LAMP2: variants seen among roughly 807,000 people sequenced by gnomAD.
LAMP2 encodes the protein lysosome-associated membrane glycoprotein 2.
A neutral mutation model predicts 25.6 loss-of-function variants in LAMP2; 4 were observed. The ratio of observed to expected loss-of-function variants is 0.16; its 90% CI spans 0.08 to 0.36. The LOEUF (loss-of-function observed/expected upper bound fraction) is 0.36, where lower values mean the gene tolerates loss of function less well. Ranked by LOEUF, LAMP2 falls within the 10% of genes least tolerant of loss-of-function variation. The pLI, the probability that LAMP2 is intolerant of heterozygous loss-of-function variation, is 1.00. For synonymous variants in LAMP2, 108 were observed against 112.7 expected (o/e 0.96, Z 0.27); for missense variants, 272 against 301.4 (o/e 0.90, Z 0.72).
At chrX:120,454,121 C>T (rs1290452195) in intron 3 of LAMP2, among the ~76,000 whole-genome samples, 1 of 110,419 alleles carries the variant, frequency 9.1e-6, no homozygotes, top group East Asian at 2.8e-4. Context: ...CTCTTGCTGT[C>T]CCGCTCTGCA....
chrX:120,451,031 G>A (rs534127731), intron 3 of LAMP2, among the ~76,000 whole-genome samples: 3 of 109,629 alleles, frequency 2.7e-5, no homozygotes, highest in East Asian at 2.9e-4. Flanking sequence ...AGGTTCAAAC[G>A]ATTCTCATGC....
chrX:120,440,978 T>C (rs1161632207), intron 8 of LAMP2, among the ~76,000 whole-genome samples: 13 of 111,930 alleles, frequency 1.2e-4, no homozygotes, highest in Admixed American at 8.5e-4. Flanking sequence ...ATAGAATTAA[T>C]GGTTGAAAAG....
Position 120,430,248 on chromosome X carries a change from A to T in LAMP2, c.*1075T>A. On this transcript the variant is annotated 3_prime_UTR_variant, in exon 9 of 9. Coordinates refer to ENST00000200639, the MANE Select transcript of LAMP2 (RefSeq NM_002294.3). ...TTATACCATGGAATATGCTTCAACA[A>T]GGGCTGATTATCTAGCTCATTTTAA... 1.3e-6 allele frequency: 1 copy of T among 754,686 alleles called. No individual in the cohort carries two copies. Among genetic ancestry groups the T allele is most frequent in the Non-Finnish European group, 1.6e-6 (1 of 639,362 alleles). The allele number at this position is 754,686 out of a possible 1,213,427, so 62.2% of individuals were successfully genotyped here. A position where few individuals can be genotyped will look rare whatever the true frequency, so the allele number is the denominator to read the frequency against.
rs192957979 is a variant in LAMP2 at position 120,461,269 on chromosome X, A to G, written c.65-4500T>C. ...TTTTCAGTAGCCATTTTCTCCACAA[A>G]GCTTTCCCTGACTATAAAAGCCCTC... On this transcript the variant is annotated intron_variant, in intron 1 of 8. Coordinates refer to ENST00000200639, the MANE Select transcript of LAMP2 (RefSeq NM_002294.3). Among the ~76,000 whole-genome samples the G allele has an allele frequency of 4.5e-5, 5 of 112,009 alleles. No homozygotes were observed. In the East Asian group the frequency reaches 1.4e-3, roughly 31 times the overall value.
chrX:120,437,839 T>TTGTG, intron 8 of LAMP2: 1 of 733,641 alleles, frequency 1.4e-6, no homozygotes, highest in African/African-American at 2.4e-5. Flanking sequence ...GATGCAAGTT[T>TTGTG]TGTTTGTTTG....
At position 120,436,166 on chromosome X, in the gene LAMP2, ACACACTCT is replaced by A. The variant is rs747396945; in HGVS notation, c.1094-4712_1094-4705del. 2.0e-3 allele frequency among the ~76,000 whole-genome samples: 168 copies of A among 83,578 alleles called. 3 individuals are homozygous for A. Among genetic ancestry groups the A allele is most frequent in the African/African-American group, 7.7e-3 (159 of 20,636 alleles). 72.6% of individuals were successfully genotyped at this position (83,578 alleles called of 115,157 possible). A position where few individuals can be genotyped will look rare whatever the true frequency, so the allele number is the denominator to read the frequency against. On this transcript the variant is annotated intron_variant, in intron 8 of 8. Transcript: ENST00000200639. Reference sequence around the variant, plus strand: ...CACACACACACACACACACACACACACACACTCTCTCTCTCTCTCTCTGTCTCTCTCTC... The same window carrying A: ...CACACACACACACACACACACACACACTCTCTCTCTCTCTGTCTCTCTCTC...
At position 120,447,994 on chromosome X, in the gene LAMP2, T is replaced by A. The variant is rs1393095652; in HGVS notation, c.588A>T (p.Thr196=). The A allele has an allele frequency of 4.1e-6, 5 of 1,208,618 alleles. No homozygotes were observed. The highest frequency in any genetic ancestry group is 5.6e-6 in the Non-Finnish European group (5 of 894,441). ...EFLCDKDKTS[T]VAPTIHTTVP... is the part of the protein sequence containing the mutation. ...CAGTGGTGTGTATGGTGGGTGCCAC[T>A]GTTGAAGTTTTGTCTTTATCACACA... Residue 196 remains threonine, a synonymous_variant, in exon 5 of 9, where the codon ACA becomes ACT. Coordinates refer to ENST00000200639, the MANE Select transcript of LAMP2 (RefSeq NM_002294.3).
intron 6 of LAMP2, among the ~76,000 whole-genome samples, chrX:120,444,161 C>G (rs186130723): frequency 9.0e-6 from 1 of 111,637 alleles, no homozygotes; most frequent in South Asian, 3.8e-4. Flanking sequence ...GAGGAGCAAT[C>G]AGGCAGGAGC....
intron 1 of LAMP2, 60 bp downstream of exon 1, chrX:120,469,046 C>G (rs1358328586): frequency 7.1e-6 from 8 of 1,122,806 alleles, no homozygotes; most frequent in African/African-American, 3.6e-5. Context: ...CAGGTTGTAG[C>G]TTTGAACTGG....
Position 120,450,289 on chromosome X carries a change from G to A in LAMP2, c.398-1161C>T, listed in dbSNP as rs900241149. ...TTCTTTTGGAGAAGTAGCAAGAAAGGAAAGTATCCAAGGTCCTTAATATAG... is the reference window on the plus strand; with the variant it reads ...TTCTTTTGGAGAAGTAGCAAGAAAGAAAAGTATCCAAGGTCCTTAATATAG... On this transcript the variant is annotated intron_variant, in intron 3 of 8. Transcript: ENST00000200639. 2.7e-5 allele frequency among the ~76,000 whole-genome samples: 3 copies of A among 111,949 alleles called. No homozygotes were observed. In the Admixed American group the frequency reaches 2.8e-4, roughly 11 times the overall value.
chrX:120,457,523 C>T (rs754112783), intron 1 of LAMP2, among the ~76,000 whole-genome samples: 7 of 112,263 alleles, frequency 6.2e-5, no homozygotes, highest in Non-Finnish European at 9.4e-5. Context: ...AATTTTTTGA[C>T]GCAAAGTTAT....
chrX:120,432,926 C>T (rs1224259635), intron 8 of LAMP2, among the ~76,000 whole-genome samples: 1 of 83,010 alleles, frequency 1.2e-5, no homozygotes, highest in Non-Finnish European at 2.5e-5. Context: ...GAGAACCCAT[C>T]TCAAAAAAAA....
chrX:120,447,248 A>G (rs776773976), intron 5 of LAMP2, among the ~76,000 whole-genome samples: 2 of 111,355 alleles, frequency 1.8e-5, no homozygotes, highest in East Asian at 5.6e-4. Context: ...TCTACTAAAA[A>G]TACAAAAAAA....
chrX:120,436,421 C>G, intron 8 of LAMP2: 2 of 628,878 alleles, frequency 3.2e-6, no homozygotes, highest in Non-Finnish European at 3.8e-6. Context: ...TAAAGTTTTT[C>G]CATTTGAAAG....
chrX:120,447,079 A>G (rs954694624), intron 5 of LAMP2, among the ~76,000 whole-genome samples: 1 of 112,107 alleles, frequency 8.9e-6, no homozygotes, highest in East Asian at 2.8e-4. Context: ...CTAACTAATC[A>G]AAGCTCAACA....
chrX:120,447,192 G>A (rs2058600296), intron 5 of LAMP2, among the ~76,000 whole-genome samples: 1 of 110,226 alleles, frequency 9.1e-6, no homozygotes. Context: ...GATCACTTGA[G>A]GTCAGGAGTT....
At chrX:120,438,839 GGT>G (rs2058558784) in intron 8 of LAMP2, 1 of 839,390 alleles carries the variant, frequency 1.2e-6, no homozygotes, top group African/African-American at 2.2e-5. Flanking sequence ...TTTTCTAAAC[GGT>G]GTATTTTTAG....
intron 8 of LAMP2, chrX:120,438,281 A>G (rs1481952069): frequency 4.3e-5 from 32 of 751,206 alleles, no homozygotes; most frequent in Non-Finnish European, 4.7e-5. Flanking sequence ...TTGGAAGGCT[A>G]AAGAGAAATC....
chrX:120,428,847 G>A lies in LAMP2; in HGVS notation c.*2476C>T, dbSNP rs776684734. On this transcript the variant is annotated 3_prime_UTR_variant, in exon 9 of 9. Coordinates refer to ENST00000200639, the MANE Select transcript of LAMP2 (RefSeq NM_002294.3). Reference sequence around the variant, plus strand: ...CAGAAGGTAAGGGAAGAATGGGAAGGGTCCAAAATAGAGAATTGCGCTTGC... The same window carrying A: ...CAGAAGGTAAGGGAAGAATGGGAAGAGTCCAAAATAGAGAATTGCGCTTGC... 2.2e-4 allele frequency: 161 copies of A among 748,433 alleles called. No individual in the cohort carries two copies. Among genetic ancestry groups the A allele is most frequent in the Non-Finnish European group, 2.5e-4 (159 of 636,466 alleles). The allele number at this position is 748,433 out of a possible 1,213,427, so 61.7% of individuals were successfully genotyped here.
Sources: allele counts gnomAD v4.1 joint callset (sites outside exome capture counted in the v4.1 genomes callset), GRCh38; gene constraint gnomAD v4.1.1; transcripts MANE v1.5; gene names NCBI Gene and HGNC (gene_info 2026-07-23, HGNC 2026-07-21).